The following CNTN1 variants were observed in gnomAD, a reference collection of about 807,000 sequenced individuals.
CNTN1 encodes the protein contactin 1, also known as contactin-1.
In CNTN1, 38 loss-of-function variants were observed where a neutral mutation model predicts 126.4. The ratio of observed to expected loss-of-function variants is 0.30; its 90% CI spans 0.23 to 0.39. The LOEUF is 0.39. CNTN1 is among the 10% of genes least tolerant of loss of function. The probability of loss-of-function intolerance (pLI) is 1.00; values close to 1 mark genes in which losing one functional copy is unlikely to be tolerated. For missense variants in CNTN1, 1,009 were observed against 1,248.4 expected, an observed-to-expected ratio of 0.81 and a Z score of 2.89; for synonymous variants, 413 against 422.6, an observed-to-expected ratio of 0.98 and a Z score of 0.28.
chr12:40,929,567 T>C (rs1226974208), intron 6 of CNTN1, among the ~76,000 whole-genome samples: 1 of 152,040 alleles, frequency 6.6e-6, no homozygotes, highest in Non-Finnish European at 1.5e-5. Context: ...AATAGTTTAT[T>C]AAATAATAGA....
At chr12:40,895,077 A>G (rs1436315366) in intron 1 of CNTN1, among the ~76,000 whole-genome samples, 2 of 152,208 alleles carry the variant, frequency 1.3e-5, no homozygotes, top group South Asian at 2.1e-4. Context: ...TCTGTGTTAT[A>G]GTAAGCTTAA....
chr12:41,069,528 T>C (rs1439241506), intron 23 of CNTN1, among the ~76,000 whole-genome samples: 1 of 152,184 alleles, frequency 6.6e-6, no homozygotes, highest in African/African-American at 2.4e-5. Context: ...GTTGGTGTGC[T>C]GCACCCATTA....
intron 1 of CNTN1, among the ~76,000 whole-genome samples, chr12:40,828,580 G>A (rs1941697611): frequency 6.6e-6 from 1 of 152,200 alleles, no homozygotes; most frequent in African/African-American, 2.4e-5. Context: ...AGTAGAATGA[G>A]CTGAATCAAT....
At chr12:40,841,595 T>TA (rs1296611259) in intron 1 of CNTN1, among the ~76,000 whole-genome samples, 2 of 152,070 alleles carry the variant, frequency 1.3e-5, no homozygotes, top group East Asian at 3.8e-4. Flanking sequence ...AAGTGGCATT[T>TA]ATACCAGGTA....
intron 1 of CNTN1, among the ~76,000 whole-genome samples, chr12:40,844,055 T>C (rs1942393550): frequency 6.7e-6 from 1 of 150,060 alleles, no homozygotes; most frequent in Non-Finnish European, 1.5e-5. Context: ...TTGAAAAAAT[T>C]CTTTGGCACA....
At chr12:40,998,220 G>A (rs993092792) in intron 17 of CNTN1, among the ~76,000 whole-genome samples, 2 of 152,028 alleles carry the variant, frequency 1.3e-5, no homozygotes, top group Non-Finnish European at 2.9e-5. Flanking sequence ...AGAAGAAAGC[G>A]GTCATTTTTT....
chr12:40,712,353 G>A (rs533768559), intron 1 of CNTN1, among the ~76,000 whole-genome samples: 7 of 152,222 alleles, frequency 4.6e-5, no homozygotes, highest in African/African-American at 1.4e-4. Context: ...ATGATTTTCT[G>A]TGACCAATGT....
Position 41,071,697 on chromosome 12 carries a change from A to T in CNTN1, c.*1662A>T, listed in dbSNP as rs1423325899. The T allele has an allele frequency of 6.6e-6, 1 of 152,188 alleles. No homozygotes were observed. The highest frequency in any genetic ancestry group is 1.5e-5 in the Non-Finnish European group (1 of 68,022). The allele number at this position is 152,188 out of a possible 1,614,324, so 9.4% of individuals were successfully genotyped here. The stretch of plus-strand genomic sequence containing the variant: ...CTTTTAAAAATAAGTGAAATGGATG[A>T]TTTCCCAGTGGAAGTATGTCAACAG... On this transcript the variant is annotated 3_prime_UTR_variant, in exon 24 of 24. Transcript: ENST00000551295.
intron 21 of CNTN1, 88 bp downstream of exon 21, chr12:41,025,424 C>T (rs182043331): frequency 7.7e-7 from 1 of 1,296,048 alleles, no homozygotes; most frequent in African/African-American, 1.5e-5. Context: ...AATTTCCTAC[C>T]TAGCTACCTG....
chr12:40,896,608 T>C (rs1017417688), intron 1 of CNTN1, among the ~76,000 whole-genome samples: 3 of 152,218 alleles, frequency 2.0e-5, no homozygotes, highest in African/African-American at 7.2e-5. Context: ...TTATTGTCCA[T>C]TAAGACATAT....
chr12:40,752,870 A>C (rs1938456725), intron 1 of CNTN1, among the ~76,000 whole-genome samples: 1 of 152,130 alleles, frequency 6.6e-6, no homozygotes, highest in Non-Finnish European at 1.5e-5. Flanking sequence ...GTACTAAGGT[A>C]ATGAGATTAT....
chr12:40,917,984 A>G (rs1158264759), intron 3 of CNTN1, among the ~76,000 whole-genome samples: 8 of 152,194 alleles, frequency 5.3e-5, no homozygotes, highest in Non-Finnish European at 8.8e-5. Flanking sequence ...CTCAGAAAAG[A>G]GACTGATTTT....
intron 20 of CNTN1, among the ~76,000 whole-genome samples, chr12:41,024,482 A>C (rs907131543): frequency 6.6e-6 from 1 of 152,126 alleles, no homozygotes; most frequent in Non-Finnish European, 1.5e-5. Flanking sequence ...TAATCCTGTA[A>C]TTATTTGACA....
In CNTN1 at chr12:40,750,102, G is replaced by T. The variant is rs531616483; in HGVS notation, c.-77+57510G>T. Among the ~76,000 whole-genome samples the T allele has an allele frequency of 2.6e-5, 4 of 152,200 alleles. No homozygotes were observed. In the East Asian group the frequency reaches 7.7e-4, roughly 29 times the overall value. ...TTGAATTGGTTCAGAAGAATGAGAG[G>T]AATGGAGACAGTATTAACAGCTCTT... On this transcript the variant is annotated intron_variant, in intron 1 of 23. Transcript: ENST00000551295.
intron 1 of CNTN1, among the ~76,000 whole-genome samples, chr12:40,898,401 G>T (rs1944488519): frequency 6.6e-6 from 1 of 152,038 alleles, no homozygotes; most frequent in Non-Finnish European, 1.5e-5. Context: ...CAAAGAAAAT[G>T]TAATGCATTT....
At chr12:41,016,988 T>C in intron 19 of CNTN1, 72 bp downstream of exon 19, 4 of 1,327,924 alleles carry the variant, frequency 3.0e-6, no homozygotes, top group Non-Finnish European at 4.3e-6. Context: ...ATTTAGTTTG[T>C]TTCCTTTCAG....
At chr12:41,020,216 C>A in intron 19 of CNTN1, 121 bp from the exon 20 acceptor site, 2 of 627,898 alleles carry the variant, frequency 3.2e-6, no homozygotes, top group Non-Finnish European at 5.6e-6. Context: ...AATAGTAAAG[C>A]TATTTTAGAA....
chr12:40,864,042 CAG>C (rs1302487677), intron 1 of CNTN1, among the ~76,000 whole-genome samples: 11 of 81,172 alleles, frequency 1.4e-4, no homozygotes, highest in Non-Finnish European at 2.9e-4. Flanking sequence ...TTTTTTTTGA[CAG>C]AGTTTTGCTC....
At chr12:41,050,366 G>A (rs1949644673) in intron 23 of CNTN1, among the ~76,000 whole-genome samples, 1 of 152,132 alleles carries the variant, frequency 6.6e-6, no homozygotes, top group African/African-American at 2.4e-5. Flanking sequence ...AGCATGGCTG[G>A]GAAGGCCTCA....
Sources: allele counts gnomAD v4.1 joint callset (sites outside exome capture counted in the v4.1 genomes callset), GRCh38; gene constraint gnomAD v4.1.1; transcripts MANE v1.5; gene names NCBI Gene and HGNC (gene_info 2026-07-23, HGNC 2026-07-21).